PDGFD: variants seen among roughly 807,000 people sequenced by gnomAD.
The protein encoded by PDGFD is platelet-derived growth factor D.
Under a neutral mutation model 44.7 loss-of-function variants are expected in PDGFD, and 30 were observed. The observed-to-expected ratio is 0.67, with a 90% CI of 0.50 to 0.91. The LOEUF (loss-of-function observed/expected upper bound fraction) is 0.91, where lower values mean the gene tolerates loss of function less well. PDGFD is among the 40% of genes least tolerant of loss of function. The probability of loss-of-function intolerance (pLI) is 0.00; values close to 1 mark genes in which losing one functional copy is unlikely to be tolerated. For missense variants in PDGFD, 445 were observed against 457.8 expected (o/e 0.97, Z 0.25); for synonymous variants, 173 against 168.4 (o/e 1.03, Z -0.21).
chr11:104,026,345 T>C (rs1860042007), intron 1 of PDGFD, among the ~76,000 whole-genome samples: 1 of 152,244 alleles, frequency 6.6e-6, no homozygotes, highest in African/African-American at 2.4e-5. Context: ...TTAAGATCTA[T>C]TGGTGAGTAG....
intron 3 of PDGFD, among the ~76,000 whole-genome samples, chr11:103,962,418 G>T (rs944358984): frequency 5.3e-5 from 8 of 152,140 alleles, no homozygotes; most frequent in Non-Finnish European, 1.0e-4. Flanking sequence ...ATTACTAAAA[G>T]CTATGTCTAA....
intron 2 of PDGFD, 107 bp downstream of exon 2, chr11:103,999,943 TG>T: frequency 3.2e-6 from 3 of 927,986 alleles, no homozygotes; most frequent in Non-Finnish European, 3.3e-6. Context: ...CGACACATGT[TG>T]GGTCCATTTA....
chr11:103,998,962 T>G lies in PDGFD; in HGVS notation c.329+1089A>C, dbSNP rs148398069. Among the ~76,000 whole-genome samples the G allele has an allele frequency of 4.6e-3, 700 of 152,224 alleles. 3 individuals are homozygous for G. Among genetic ancestry groups the G allele is most frequent in the Non-Finnish European group, 7.5e-3 (513 of 68,020 alleles). On this transcript the variant is annotated intron_variant, in intron 2 of 6. Coordinates refer to ENST00000393158, the MANE Select transcript of PDGFD (RefSeq NM_025208.5). ...ATCTTTTAATAGCGTCTTTTTCCCA[T>G]GATTTTTTAGGCACAGAATATTAGT...
chr11:103,970,190 TGA>T (rs1347888407), intron 3 of PDGFD, among the ~76,000 whole-genome samples: 1 of 152,088 alleles, frequency 6.6e-6, no homozygotes, highest in Non-Finnish European at 1.5e-5. Flanking sequence ...ACATCCTCTT[TGA>T]GTTGAGAGAA....
At chr11:103,986,885 C>A (rs1478369669) in intron 3 of PDGFD, among the ~76,000 whole-genome samples, 1 of 152,154 alleles carries the variant, frequency 6.6e-6, no homozygotes, top group Non-Finnish European at 1.5e-5. Context: ...AATCTAAGAT[C>A]AGTGCTTAAG....
chr11:103,985,132 T>TTTAATATATAATATATTAATTTA (rs1859341930), intron 3 of PDGFD, among the ~76,000 whole-genome samples: 1 of 141,496 alleles, frequency 7.1e-6, no homozygotes, highest in Non-Finnish European at 1.5e-5. Context: ...TATTAATTTA[T>TTTAATATATAATATATTAATTTA]TTAATATATA....
intron 1 of PDGFD, among the ~76,000 whole-genome samples, chr11:104,148,757 C>T (rs1418711180): frequency 1.3e-5 from 2 of 152,064 alleles, no homozygotes; most frequent in Non-Finnish European, 2.9e-5. Flanking sequence ...CCTTCATCCT[C>T]TGAAAGGCCC....
intron 6 of PDGFD, among the ~76,000 whole-genome samples, chr11:103,910,519 C>G (rs944113404): frequency 6.6e-6 from 1 of 152,116 alleles, no homozygotes; most frequent in East Asian, 1.9e-4. Flanking sequence ...TTCCCCCAGC[C>G]AAGGGAAGCC....
chr11:104,070,166 CA>C (rs1410073721), intron 1 of PDGFD, among the ~76,000 whole-genome samples: 2 of 152,122 alleles, frequency 1.3e-5, no homozygotes, highest in African/African-American at 2.4e-5. Context: ...CTGGAATCAG[CA>C]ATTTCTCCAA....
intron 3 of PDGFD, among the ~76,000 whole-genome samples, chr11:103,968,889 T>A (rs1565298200): frequency 2.6e-5 from 4 of 152,222 alleles, no homozygotes. Context: ...TGGCTCATGT[T>A]TCTCCAGGCT....
chr11:103,988,430 A>G (rs1196746560), intron 3 of PDGFD, among the ~76,000 whole-genome samples: 1 of 152,098 alleles, frequency 6.6e-6, no homozygotes, highest in Admixed American at 6.6e-5. Flanking sequence ...TCATCTGCTC[A>G]TATGATCAGC....
chr11:103,954,756 T>C (rs1031803087), intron 3 of PDGFD, among the ~76,000 whole-genome samples: 1 of 152,306 alleles, frequency 6.6e-6, no homozygotes, highest in Admixed American at 6.5e-5. Context: ...CTGTGCTTCT[T>C]GATTGAGTTA....
chr11:104,055,237 G>A (rs1000063078), intron 1 of PDGFD, among the ~76,000 whole-genome samples: 5 of 152,204 alleles, frequency 3.3e-5, no homozygotes, highest in Admixed American at 6.5e-5. Flanking sequence ...GAGCGCAGAT[G>A]TGTTCCTTAT....
rs141826451 is a variant in PDGFD at position 103,980,727 on chromosome 11, C to A, written c.510+15338G>T. Among the ~76,000 whole-genome samples the A allele has an allele frequency of 3.9e-4, 60 of 152,096 alleles. 1 individual carries two copies. Among genetic ancestry groups the A allele is most frequent in the African/African-American group, 1.4e-3 (59 of 41,516 alleles). On this transcript the variant is annotated intron_variant, in intron 3 of 6. Transcript: ENST00000393158. ...AATATCACAGTATGTAGAGGTAGGG[C>A]CTTAGGATGTAGGAATGGGATTAGC...
chr11:104,049,361 T>C (rs1259703700), intron 1 of PDGFD, among the ~76,000 whole-genome samples: 1 of 151,980 alleles, frequency 6.6e-6, no homozygotes, highest in African/African-American at 2.4e-5. Context: ...AGGAAGAAAC[T>C]AAGAGTGTTC....
At chr11:103,928,590 T>G (rs1367268148) in intron 5 of PDGFD, among the ~76,000 whole-genome samples, 1 of 152,228 alleles carries the variant, frequency 6.6e-6, no homozygotes, top group Non-Finnish European at 1.5e-5. Flanking sequence ...TCTACAACTG[T>G]GCTTTGATTC....
chr11:103,933,717 C>G (rs1470764113), intron 5 of PDGFD, among the ~76,000 whole-genome samples: 1 of 152,192 alleles, frequency 6.6e-6, no homozygotes, highest in Non-Finnish European at 1.5e-5. Flanking sequence ...TTAATTCTCA[C>G]AGCAAACCCT....
intron 5 of PDGFD, among the ~76,000 whole-genome samples, chr11:103,942,841 TA>T (rs1858607498): frequency 6.6e-6 from 1 of 152,170 alleles, no homozygotes. Flanking sequence ...CATTGCTAAC[TA>T]ACCACACAGA....
At chr11:103,910,231 T>A (rs758340589) in intron 6 of PDGFD, among the ~76,000 whole-genome samples, 29 of 152,228 alleles carry the variant, frequency 1.9e-4, no homozygotes, top group Non-Finnish European at 3.2e-4. Flanking sequence ...GGAAAATGAA[T>A]ACAACCATGA....
Sources: gnomAD v4.1 joint callset for allele counts (sites outside exome capture counted in the v4.1 genomes callset) on GRCh38, gnomAD v4.1.1 for gene constraint, MANE v1.5 for transcripts, NCBI Gene and HGNC (gene_info 2026-07-23, HGNC 2026-07-21) for gene names.